ADAM9: variants seen among roughly 807,000 people sequenced by gnomAD.
ADAM9 encodes disintegrin and metalloproteinase domain-containing protein 9.
ADAM9 carries 54 observed loss-of-function variants against 108.1 expected under a neutral mutation model. That is an observed-to-expected ratio of 0.50 (90% CI 0.40 to 0.63). The LOEUF (loss-of-function observed/expected upper bound fraction) is 0.63. Ranked by LOEUF, ADAM9 falls within the 20% of genes least tolerant of loss-of-function variation. ADAM9 has a pLI of 0.00. For synonymous variants in ADAM9, 316 were observed against 336.0 expected, an observed-to-expected ratio of 0.94 and a Z score of 0.65; for missense variants, 830 against 997.7, an observed-to-expected ratio of 0.83 and a Z score of 2.26.
chr8:39,068,928 G>T (rs1347669795), intron 14 of ADAM9, among the ~76,000 whole-genome samples: 3 of 152,106 alleles, frequency 2.0e-5, no homozygotes, highest in Non-Finnish European at 4.4e-5. Context: ...GTAGAGAAGA[G>T]ACAGTCACTT....
In ADAM9 at chr8:39,045,387, T is replaced by TGA. The variant is rs764213878; in HGVS notation, c.1302+3271_1302+3272insAG. Among the ~76,000 whole-genome samples, 10 of 46,706 alleles carry TGA rather than the reference T, an allele frequency of 2.1e-4. 2 individuals are homozygous for TGA. The highest frequency in any genetic ancestry group is 5.5e-4 in the African/African-American group (9 of 16,326). The allele number at this position is 46,706 out of a possible 152,430, so 30.6% of individuals were successfully genotyped here. A position where few individuals can be genotyped will look rare whatever the true frequency, so the allele number is the denominator to read the frequency against. ...AGGTGTGTGTACATACACCTATAGG[T>TGA]GTGTGTACACACACCTATATGTGCG... On this transcript the variant is annotated intron_variant, in intron 12 of 21. Coordinates refer to ENST00000487273, the MANE Select transcript of ADAM9 (RefSeq NM_003816.3).
chr8:39,025,471 T>C (rs1449497736), intron 9 of ADAM9, among the ~76,000 whole-genome samples: 4 of 152,214 alleles, frequency 2.6e-5, no homozygotes, highest in African/African-American at 7.2e-5. Context: ...TCATTCGTTA[T>C]CTGTCTCTCC....
At chr8:39,016,589 A>G (rs961581548) in intron 5 of ADAM9, among the ~76,000 whole-genome samples, 1 of 152,244 alleles carries the variant, frequency 6.6e-6, no homozygotes, top group African/African-American at 2.4e-5. Flanking sequence ...TGAAGTTCAG[A>G]TAAATTATAT....
In ADAM9 at chr8:39,026,214, C is replaced by T. The variant is rs529224691; in HGVS notation, c.996+330C>T. 1.8e-4 allele frequency among the ~76,000 whole-genome samples: 27 copies of T among 152,236 alleles called. 1 individual carries two copies. The South Asian group carries it at 4.4e-3, about 25-fold the overall frequency. On this transcript the variant is annotated intron_variant, in intron 10 of 21. Coordinates refer to ENST00000487273, the MANE Select transcript of ADAM9 (RefSeq NM_003816.3). ...AACCCGTCATCTAGGTTTTAAGCCC[C>T]GCATATGTTAGGTATTTGTCCTAAT...
intron 19 of ADAM9, 102 bp from the exon 20 acceptor site, chr8:39,091,157 C>T: frequency 1.8e-6 from 2 of 1,101,982 alleles, no homozygotes; most frequent in Non-Finnish European, 2.8e-6. Context: ...CCACCACTAC[C>T]AACATCATTA....
At chr8:39,091,483 C>G (rs1434056437) in intron 20 of ADAM9, 137 bp downstream of exon 20, 18 of 843,518 alleles carry the variant, frequency 2.1e-5, no homozygotes, top group Admixed American at 5.1e-5. Context: ...TAGGTGGTCC[C>G]TGAGTTTTTT....
chr8:39,038,601 A>T (rs1837357781), intron 11 of ADAM9, among the ~76,000 whole-genome samples: 1 of 152,242 alleles, frequency 6.6e-6, no homozygotes, highest in South Asian at 2.1e-4. Flanking sequence ...AATCATAATC[A>T]TAACCTTTAC....
chr8:39,020,694 A>AAATGGT (rs1212508824), intron 7 of ADAM9, among the ~76,000 whole-genome samples: 2 of 152,172 alleles, frequency 1.3e-5, no homozygotes, highest in Non-Finnish European at 2.9e-5. Flanking sequence ...CAGCATTTAG[A>AAATGGT]AATGGTTTAT....
rs548782856 is a variant in ADAM9 at position 39,064,049 on chromosome 8, T to C, written c.1592-7249T>C. Among the ~76,000 whole-genome samples, 6 of 152,172 alleles carry C rather than the reference T, an allele frequency of 3.9e-5. No individual in the cohort carries two copies. In the South Asian group the frequency reaches 6.2e-4, roughly 16 times the overall value. On this transcript the variant is annotated intron_variant, in intron 14 of 21. Coordinates refer to ENST00000487273, the MANE Select transcript of ADAM9 (RefSeq NM_003816.3). Reference sequence around the variant, plus strand: ...CGCTTATCATCTTCTTTCCCTACTTTGTCCAGTAAAATAAGGAGCAACCAG... The same window carrying C: ...CGCTTATCATCTTCTTTCCCTACTTCGTCCAGTAAAATAAGGAGCAACCAG...
chr8:39,083,634 C>T (rs915248848), intron 18 of ADAM9, among the ~76,000 whole-genome samples: 6 of 152,196 alleles, frequency 3.9e-5, no homozygotes, highest in Admixed American at 1.3e-4. Flanking sequence ...GATTATACCT[C>T]ATTTTCTAAA....
intron 1 of ADAM9, among the ~76,000 whole-genome samples, chr8:39,003,484 T>TA (rs1564216002): frequency 5.3e-4 from 34 of 63,606 alleles, no homozygotes; most frequent in African/African-American, 1.3e-3. Flanking sequence ...TATTTGGAAT[T>TA]TAAAAAAAAA....
intron 7 of ADAM9, among the ~76,000 whole-genome samples, chr8:39,020,685 A>G (rs1381828106): frequency 2.0e-5 from 3 of 152,210 alleles, no homozygotes; most frequent in Non-Finnish European, 2.9e-5. Flanking sequence ...AATTCAGCCC[A>G]GCATTTAGAA....
chr8:39,070,363 C>G (rs532881379), intron 14 of ADAM9, among the ~76,000 whole-genome samples: 4 of 152,110 alleles, frequency 2.6e-5, no homozygotes, highest in South Asian at 4.2e-4. Flanking sequence ...TTTCCAGAAG[C>G]AGGATTCCTG....
chr8:39,101,183 AT>A (rs1372932202), intron 20 of ADAM9, among the ~76,000 whole-genome samples: 3 of 152,244 alleles, frequency 2.0e-5, no homozygotes, highest in African/African-American at 4.8e-5. Flanking sequence ...AGAATTAAGT[AT>A]TCCACATTCA....
intron 20 of ADAM9, among the ~76,000 whole-genome samples, chr8:39,091,734 G>T (rs1394206104): frequency 6.6e-6 from 1 of 152,068 alleles, no homozygotes; most frequent in African/African-American, 2.4e-5. Context: ...TGATCCACCC[G>T]CCTTGGCCTC....
intron 12 of ADAM9, among the ~76,000 whole-genome samples, chr8:39,051,942 C>A (rs1837971541): frequency 6.6e-6 from 1 of 152,004 alleles, no homozygotes; most frequent in African/African-American, 2.4e-5. Flanking sequence ...AACATACACA[C>A]CTCATGTGTA....
chr8:39,049,791 A>G (rs968928751), intron 12 of ADAM9, among the ~76,000 whole-genome samples: 1 of 152,194 alleles, frequency 6.6e-6, no homozygotes, highest in Non-Finnish European at 1.5e-5. Context: ...AGTGAAAGTG[A>G]TTTACCCAGT....
At chr8:39,044,862 G>GTATACATACATATATATGTATATATA (rs1837566161) in intron 12 of ADAM9, among the ~76,000 whole-genome samples, 1 of 150,340 alleles carries the variant, frequency 6.7e-6, no homozygotes, top group African/African-American at 2.5e-5. Flanking sequence ...GTATGTGTGT[G>GTATACATACATATATATGTATATATA]TGTGTATACA....
intron 7 of ADAM9, among the ~76,000 whole-genome samples, chr8:39,020,356 A>G (rs1836695937): frequency 6.6e-6 from 1 of 152,158 alleles, no homozygotes; most frequent in Admixed American, 6.5e-5. Flanking sequence ...AAAAGGTTCA[A>G]TTTCAATCAA....
Sources: allele counts gnomAD v4.1 joint callset (sites outside exome capture counted in the v4.1 genomes callset), GRCh38; gene constraint gnomAD v4.1.1; transcripts MANE v1.5; gene names NCBI Gene and HGNC (gene_info 2026-07-23, HGNC 2026-07-21).